The following RBMS3 variants were observed in gnomAD, a reference collection of about 807,000 sequenced individuals.
RBMS3 encodes RNA-binding motif, single-stranded-interacting protein 3.
RBMS3 carries 27 observed loss-of-function variants against 66.8 expected under a neutral mutation model. That is an observed-to-expected ratio of 0.40 (90% CI 0.30 to 0.56). RBMS3 has a LOEUF of 0.56. Among genes scored for constraint, RBMS3 ranks in the 20% least tolerant of loss-of-function variants. The pLI is 0.40. For synonymous variants in RBMS3, 188 were observed against 183.0 expected (o/e 1.03, Z -0.22); for missense variants, 513 against 549.5 (o/e 0.93, Z 0.66).
At chr3:29,318,200 A>G (rs1167290543) in intron 1 of RBMS3, among the ~76,000 whole-genome samples, 1 of 151,888 alleles carries the variant, frequency 6.6e-6, no homozygotes, top group Non-Finnish European at 1.5e-5. Flanking sequence ...ACCGTATTTC[A>G]AAGAAAAGCT....
chr3:29,559,229 AG>A (rs1654387055), intron 3 of RBMS3, among the ~76,000 whole-genome samples: 1 of 151,994 alleles, frequency 6.6e-6, no homozygotes, highest in South Asian at 2.1e-4. Context: ...ATTGAGAAAA[AG>A]AAAAAAAATC....
At chr3:29,729,606 G>C (rs59762834) in intron 4 of RBMS3, among the ~76,000 whole-genome samples, 1 of 151,846 alleles carries the variant, frequency 6.6e-6, no homozygotes, top group Non-Finnish European at 1.5e-5. Context: ...TCCCACCAAC[G>C]GTGTAAAAGC....
chr3:29,728,118 A>G (rs578124435), intron 4 of RBMS3, among the ~76,000 whole-genome samples: 1 of 151,648 alleles, frequency 6.6e-6, no homozygotes, highest in East Asian at 2.0e-4. Context: ...AGAAAACCAA[A>G]CACTGCATGT....
At chr3:29,966,111 A>G (rs974090376) in intron 12 of RBMS3, among the ~76,000 whole-genome samples, 1 of 152,080 alleles carries the variant, frequency 6.6e-6, no homozygotes, top group South Asian at 2.1e-4. Flanking sequence ...TATCAGTACC[A>G]TGCTGTTTTG....
chr3:29,755,632 T>C (rs1187484440), intron 5 of RBMS3, among the ~76,000 whole-genome samples: 8 of 152,282 alleles, frequency 5.3e-5, no homozygotes, highest in Middle Eastern at 3.4e-3. Context: ...CCAGAGTTCA[T>C]TGAGAGCCAG....
At position 29,998,479 on chromosome 3, in the gene RBMS3, C is replaced by G. The variant is rs1269702870; in HGVS notation, c.1308-5377C>G. 3.3e-5 allele frequency among the ~76,000 whole-genome samples: 5 copies of G among 152,260 alleles called. 1 individual carries two copies. Among genetic ancestry groups the G allele is most frequent in the African/African-American group, 1.2e-4 (5 of 41,566 alleles). ...CCAAGTCAATCCTAAGCCAAAAGAACAAAGCTGGAGGCATCACGCTACCTG... is the reference window on the plus strand; with the variant it reads ...CCAAGTCAATCCTAAGCCAAAAGAAGAAAGCTGGAGGCATCACGCTACCTG... On this transcript the variant is annotated intron_variant, in intron 14 of 14. Transcript: ENST00000383767.
chr3:29,602,386 A>T (rs899058055), intron 4 of RBMS3, among the ~76,000 whole-genome samples: 1 of 152,056 alleles, frequency 6.6e-6, no homozygotes, highest in African/African-American at 2.4e-5. Flanking sequence ...GATAACGTCC[A>T]GGAAATTAGT....
intron 6 of RBMS3, among the ~76,000 whole-genome samples, chr3:29,774,033 TG>T (rs2149399538): frequency 6.6e-6 from 1 of 152,198 alleles, no homozygotes; most frequent in African/African-American, 2.4e-5. Context: ...CTGTTTCTGG[TG>T]AACCCAAACT....
At chr3:29,732,272 A>T (rs1196334784) in intron 4 of RBMS3, among the ~76,000 whole-genome samples, 3 of 152,182 alleles carry the variant, frequency 2.0e-5, no homozygotes, top group Non-Finnish European at 4.4e-5. Flanking sequence ...ATGTAATTCC[A>T]GCTCAAAGGC....
chr3:29,839,140 A>C (rs1012540558), intron 6 of RBMS3, among the ~76,000 whole-genome samples: 2 of 152,150 alleles, frequency 1.3e-5, no homozygotes, highest in African/African-American at 4.8e-5. Context: ...GTAGCCATTA[A>C]TTTGGTGACA....
intron 14 of RBMS3, among the ~76,000 whole-genome samples, chr3:30,003,503 C>T (rs1022927022): frequency 6.6e-6 from 1 of 151,846 alleles, no homozygotes; most frequent in African/African-American, 2.4e-5. Context: ...AACATACAAC[C>T]CAGTTATTTT....
intron 4 of RBMS3, among the ~76,000 whole-genome samples, chr3:29,642,314 G>A (rs761312513): frequency 4.8e-4 from 73 of 152,032 alleles, no homozygotes; most frequent in Non-Finnish European, 8.4e-4. Flanking sequence ...TGTTATATTT[G>A]CATTTTGCCA....
Position 29,559,510 on chromosome 3 carries a change from C to CAAAAAAAAAAAAAAAAA in RBMS3, c.308-27577_308-27561dup, listed in dbSNP as rs553520590. Among the ~76,000 whole-genome samples the CAAAAAAAAAAAAAAAAA allele has an allele frequency of 1.5e-4, 6 of 41,338 alleles. 1 individual carries two copies. Among genetic ancestry groups the CAAAAAAAAAAAAAAAAA allele is most frequent in the African/African-American group, 2.2e-4 (3 of 13,396 alleles). 27.1% of individuals were successfully genotyped at this position (41,338 alleles called of 152,430 possible). Reference sequence around the variant, plus strand: ...TGGGTGACAGAGGAAGACTCTGTCTCAAAAAAAAAAAAAAAAAAAAAAAAA... The same window carrying CAAAAAAAAAAAAAAAAA: ...TGGGTGACAGAGGAAGACTCTGTCTCAAAAAAAAAAAAAAAAAAAAAAAAAAAAAAAAAAAAAAAAAA... On this transcript the variant is annotated intron_variant, in intron 3 of 14. Transcript: ENST00000383767.
intron 5 of RBMS3, among the ~76,000 whole-genome samples, chr3:29,751,426 A>C (rs1395231954): frequency 6.6e-6 from 1 of 152,220 alleles, no homozygotes. Context: ...AGGGGCACAG[A>C]CTGTGGCCTT....
chr3:29,353,803 A>G (rs557931800), intron 1 of RBMS3, among the ~76,000 whole-genome samples: 1 of 151,156 alleles, frequency 6.6e-6, no homozygotes, highest in Non-Finnish European at 1.5e-5. Flanking sequence ...CAGGAAAAAG[A>G]GAGATCAACA....
intron 6 of RBMS3, among the ~76,000 whole-genome samples, chr3:29,769,981 T>G (rs2056126277): frequency 6.6e-6 from 1 of 151,852 alleles, no homozygotes; most frequent in South Asian, 2.1e-4. Context: ...TTGAGAAAAA[T>G]TTCAGTTACA....
chr3:29,560,382 T>C (rs1052585864), intron 3 of RBMS3, among the ~76,000 whole-genome samples: 1 of 152,192 alleles, frequency 6.6e-6, no homozygotes, highest in Non-Finnish European at 1.5e-5. Flanking sequence ...TACATACAAA[T>C]ATTTTAAAAG....
intron 8 of RBMS3, among the ~76,000 whole-genome samples, chr3:29,886,284 A>T (rs2059868362): frequency 6.6e-6 from 1 of 151,842 alleles, no homozygotes; most frequent in Non-Finnish European, 1.5e-5. Context: ...GCTTATATGG[A>T]TTATTTCATT....
At chr3:29,370,684 G>A (rs1303967604) in intron 1 of RBMS3, among the ~76,000 whole-genome samples, 1 of 152,172 alleles carries the variant, frequency 6.6e-6, no homozygotes, top group Non-Finnish European at 1.5e-5. Flanking sequence ...TAGATGTGCT[G>A]TAATTTATAC....
Sources: gnomAD v4.1 joint callset for allele counts (sites outside exome capture counted in the v4.1 genomes callset) on GRCh38, gnomAD v4.1.1 for gene constraint, MANE v1.5 for transcripts, NCBI Gene and HGNC (gene_info 2026-07-23, HGNC 2026-07-21) for gene names.